OTUB2: variants seen among roughly 807,000 people sequenced by gnomAD.
The protein encoded by OTUB2 is ubiquitin thioesterase OTUB2.
OTUB2 carries 21 observed loss-of-function variants against 25.1 expected under a neutral mutation model. That is an observed-to-expected ratio of 0.84 (90% CI 0.59 to 1.21). The LOEUF (loss-of-function observed/expected upper bound fraction) is 1.21. OTUB2 is among the 50% of genes most tolerant of loss of function. OTUB2 has a pLI of 0.00. For synonymous variants in OTUB2, 122 were observed against 122.8 expected (o/e 0.99, Z 0.04); for missense variants, 283 against 298.0 (o/e 0.95, Z 0.37).
intron 3 of OTUB2, among the ~76,000 whole-genome samples, chr14:94,042,669 C>T (rs1263678000): frequency 1.3e-5 from 2 of 152,202 alleles, no homozygotes; most frequent in African/African-American, 4.8e-5. Flanking sequence ...GAAGACTGAA[C>T]AGGGGGTGCT....
rs1245061077 is a variant in OTUB2 at position 94,044,050 on chromosome 14, A to G, written c.298A>G (p.Asn100Asp). The change falls in exon 4 of 6, where the codon AAT becomes GAT. Residue 100 changes from asparagine to aspartate, a missense_variant. By Grantham distance (23) the Asn-to-Asp change is conservative. Coordinates refer to ENST00000203664, the MANE Select transcript of OTUB2 (RefSeq NM_023112.4). ...GGAGCACAAGTTCAGAAACTTCTTC[A>G]ATGCTGTGAGTTCACCTGGTCCCTC... ...FEEHKFRNFF[N>D]AFYSVVELVE... 2 of 1,614,004 alleles carry G rather than the reference A, an allele frequency of 1.2e-6. No individual in the cohort carries two copies. The highest frequency in any genetic ancestry group is 1.7e-6 in the Non-Finnish European group (2 of 1,179,854).
chr14:94,037,204 A>G (rs570302060), intron 1 of OTUB2, among the ~76,000 whole-genome samples, 176 bp from the exon 2 acceptor site: 1 of 152,288 alleles, frequency 6.6e-6, no homozygotes, highest in East Asian at 1.9e-4. Context: ...CCTGTTCTGG[A>G]AATGCGGTGA....
chr14:94,042,498 AG>A (rs201194492), intron 3 of OTUB2, among the ~76,000 whole-genome samples: 4 of 48,334 alleles, frequency 8.3e-5, no homozygotes, highest in South Asian at 8.3e-4. Context: ...TGGGGGTGGG[AG>A]GGGGGGCAGG....
chr14:94,043,890 G>A (rs1595368857), intron 3 of OTUB2, 81 bp from the exon 4 acceptor site: 1 of 1,331,822 alleles, frequency 7.5e-7, no homozygotes, highest in Non-Finnish European at 1.1e-6. Context: ...GGCGCAGTGG[G>A]TTGAGAGGGG....
intron 1 of OTUB2, among the ~76,000 whole-genome samples, chr14:94,027,089 T>C (rs1290116522): frequency 6.6e-6 from 1 of 152,056 alleles, no homozygotes; most frequent in Non-Finnish European, 1.5e-5. Context: ...ATGCCTCAAG[T>C]TGTGAGGCGC....
At chr14:94,039,254 G>T (rs894910137) in intron 3 of OTUB2, 173 bp downstream of exon 3, 3 of 610,262 alleles carry the variant, frequency 4.9e-6, no homozygotes, top group Non-Finnish European at 8.7e-6. Flanking sequence ...CTGTGGTGAA[G>T]TTGGGGGCAG....
chr14:94,045,197 G>A (rs1885246967), intron 5 of OTUB2, among the ~76,000 whole-genome samples: 1 of 152,088 alleles, frequency 6.6e-6, no homozygotes, highest in South Asian at 2.1e-4. Context: ...GCTCTTGCAG[G>A]GCAGTCTCAG....
intron 1 of OTUB2, among the ~76,000 whole-genome samples, chr14:94,033,582 C>A (rs1595365648): frequency 6.6e-6 from 1 of 152,134 alleles, no homozygotes; most frequent in Admixed American, 6.5e-5. Context: ...ACTTTTTGAT[C>A]TATGATTTAA....
rs555569431 is a variant in OTUB2 at position 94,048,062 on chromosome 14, C to T, written c.*2140C>T. Reference sequence around the variant, plus strand: ...CGAACCATTGCCCTTGTTTCCCCCACGTTCTCTCTCAGATCTTTGTCTCGA... The same window carrying T: ...CGAACCATTGCCCTTGTTTCCCCCATGTTCTCTCTCAGATCTTTGTCTCGA... On this transcript the variant is annotated 3_prime_UTR_variant, in exon 6 of 6. Coordinates refer to ENST00000203664, the MANE Select transcript of OTUB2 (RefSeq NM_023112.4). 2.3e-4 allele frequency: 35 copies of T among 152,324 alleles called. No homozygotes were observed. Among genetic ancestry groups the T allele is most frequent in the African/African-American group, 6.5e-4 (27 of 41,560 alleles). The allele number at this position is 152,324 out of a possible 1,614,324, so 9.4% of individuals were successfully genotyped here.
rs142547506 is a variant in OTUB2 at position 94,037,587 on chromosome 14, T to C, written c.99+112T>C. ...AGTTTGGGCCAGGTTCCTGGGCAAA[T>C]GAAAGGATTCCTAGGATATTTTGAT... On this transcript the variant is annotated intron_variant, in intron 2 of 5. Transcript: ENST00000203664. 1.8e-3 allele frequency: 1,051 copies of C among 569,124 alleles called. 4 individuals are homozygous for C. In the African/African-American group the frequency reaches 0.019, roughly 10 times the overall value. The allele number at this position is 569,124 out of a possible 1,614,324, so 35.3% of individuals were successfully genotyped here. A position where few individuals can be genotyped will look rare whatever the true frequency, so the allele number is the denominator to read the frequency against.
At chr14:94,035,383 C>T (rs1032669732) in intron 1 of OTUB2, among the ~76,000 whole-genome samples, 6 of 150,364 alleles carry the variant, frequency 4.0e-5, no homozygotes, top group South Asian at 2.1e-4. Flanking sequence ...TCTGCCTCCC[C>T]GGTTTAAGAA....
In OTUB2 at chr14:94,047,809, G is replaced by C. The variant is rs1885309652; in HGVS notation, c.*1887G>C. 1 of 152,202 alleles carries C rather than the reference G, an allele frequency of 6.6e-6. No individual in the cohort carries two copies. Among genetic ancestry groups the C allele is most frequent in the Non-Finnish European group, 1.5e-5 (1 of 68,060 alleles). The allele number at this position is 152,202 out of a possible 1,614,324, so 9.4% of individuals were successfully genotyped here. A position where few individuals can be genotyped will look rare whatever the true frequency, so the allele number is the denominator to read the frequency against. ...GGCTTGTGTGGTAGCCTCAGAAGCA[G>C]AGCTGTTTGGCAGACTGGCTGGAGA... On this transcript the variant is annotated 3_prime_UTR_variant, in exon 6 of 6. Coordinates refer to ENST00000203664, the MANE Select transcript of OTUB2 (RefSeq NM_023112.4).
At chr14:94,040,113 T>C (rs190589381) in intron 3 of OTUB2, among the ~76,000 whole-genome samples, 45 of 152,028 alleles carry the variant, frequency 3.0e-4, no homozygotes, top group African/African-American at 1.0e-3. Context: ...CCTCTTTCGG[T>C]GGAAAAAAGT....
At chr14:94,043,492 G>A (rs780784455) in intron 3 of OTUB2, among the ~76,000 whole-genome samples, 1 of 152,236 alleles carries the variant, frequency 6.6e-6, no homozygotes, top group Non-Finnish European at 1.5e-5. Flanking sequence ...CCTGCAGTAG[G>A]TGCAGAGAGT....
chr14:94,032,055 G>A lies in OTUB2; in HGVS notation c.4-5325G>A, dbSNP rs571275218. On this transcript the variant is annotated intron_variant, in intron 1 of 5. Transcript: ENST00000203664. ...GTTCTTCCGGGAGCTTGAGTCTCTG[G>A]TCTTGCCAGGGGTGTGGCCAGAGCC... 7.9e-5 allele frequency among the ~76,000 whole-genome samples: 12 copies of A among 152,328 alleles called. No individual in the cohort carries two copies. In the South Asian group the frequency reaches 2.5e-3, roughly 32 times the overall value.
intron 1 of OTUB2, among the ~76,000 whole-genome samples, chr14:94,031,601 G>A (rs1334928319): frequency 1.3e-5 from 2 of 152,158 alleles, no homozygotes; most frequent in Non-Finnish European, 2.9e-5. Context: ...CAGGGATGTA[G>A]GAGGAAGGAC....
rs1486864583 is a variant in OTUB2, at chr14:94,030,575, C to T, written c.3+4035C>T. On this transcript the variant is annotated intron_variant, in intron 1 of 5. Coordinates refer to ENST00000203664, the MANE Select transcript of OTUB2 (RefSeq NM_023112.4). ...TCTGCAAAGCCAGCTAATAACTGAC[C>T]CGGGGGGGAAGCCTCAGTGCAGGGT... 2.0e-5 allele frequency among the ~76,000 whole-genome samples: 3 copies of T among 150,190 alleles called. 1 individual carries two copies. Among genetic ancestry groups the T allele is most frequent in the East Asian group, 1.9e-4 (1 of 5,172 alleles).
chr14:94,045,539 C>G (rs1885256852), intron 5 of OTUB2, among the ~76,000 whole-genome samples, 177 bp from the exon 6 acceptor site: 1 of 152,208 alleles, frequency 6.6e-6, no homozygotes, highest in African/African-American at 2.4e-5. Context: ...TGCTGCCTCT[C>G]AATGAGGCTG....
chr14:94,029,444 A>C (rs1405710444), intron 1 of OTUB2, among the ~76,000 whole-genome samples: 2 of 152,164 alleles, frequency 1.3e-5, no homozygotes, highest in African/African-American at 4.8e-5. Flanking sequence ...GCCTCCCTCC[A>C]AGCTTCTGGT....
Sources: gnomAD v4.1 joint callset for allele counts (sites outside exome capture counted in the v4.1 genomes callset) on GRCh38, gnomAD v4.1.1 for gene constraint, MANE v1.5 for transcripts, NCBI Gene and HGNC (gene_info 2026-07-23, HGNC 2026-07-21) for gene names.